Variants in LRRIQ3 observed in about 807,000 individuals in gnomAD.
The protein encoded by LRRIQ3 is leucine rich repeats and IQ motif containing 3, also known as leucine-rich repeat and IQ domain-containing protein 3.
Under a neutral mutation model 59.3 loss-of-function variants are expected in LRRIQ3, and 75 were observed. The observed-to-expected ratio is 1.26, with a 90% CI of 1.05 to 1.53. LRRIQ3 has a LOEUF of 1.53. Ranked by LOEUF, LRRIQ3 falls within the 40% of genes most tolerant of loss-of-function variation. The pLI, the probability that LRRIQ3 is intolerant of heterozygous loss-of-function variation, is 0.00. For missense variants in LRRIQ3, 831 were observed against 710.0 expected (o/e 1.17, Z -1.94); for synonymous variants, 250 against 231.3 (o/e 1.08, Z -0.73).
chr1:74,123,697 T>G (rs1412690734), intron 4 of LRRIQ3, among the ~76,000 whole-genome samples: 1 of 152,066 alleles, frequency 6.6e-6, no homozygotes, highest in East Asian at 1.9e-4. Flanking sequence ...CTTTATTCAT[T>G]CATTCATTTG....
At chr1:74,189,928 A>G (rs1275207760) in intron 1 of LRRIQ3, among the ~76,000 whole-genome samples, 1 of 152,154 alleles carries the variant, frequency 6.6e-6, no homozygotes, top group Non-Finnish European at 1.5e-5. Context: ...TACAAAATTA[A>G]TTGAATGCCT....
chr1:74,125,729 T>C (rs1646926178), intron 4 of LRRIQ3, among the ~76,000 whole-genome samples: 1 of 152,000 alleles, frequency 6.6e-6, no homozygotes, highest in Non-Finnish European at 1.5e-5. Context: ...ATGCTCTTTT[T>C]AATGTGTTGT....
intron 4 of LRRIQ3, among the ~76,000 whole-genome samples, chr1:74,119,452 TATAGAC>T (rs1261756069): frequency 6.6e-6 from 1 of 152,120 alleles, no homozygotes; most frequent in Non-Finnish European, 1.5e-5. Flanking sequence ...TTCTGATTTG[TATAGAC>T]ATATTCTTTT....
intron 4 of LRRIQ3, among the ~76,000 whole-genome samples, chr1:74,116,686 G>A (rs1646781035): frequency 6.6e-6 from 1 of 152,100 alleles, no homozygotes; most frequent in Non-Finnish European, 1.5e-5. Flanking sequence ...GTTGATCACA[G>A]TAATTTTTAC....
intron 5 of LRRIQ3, among the ~76,000 whole-genome samples, chr1:74,076,206 G>A (rs1646208225): frequency 6.6e-6 from 1 of 151,968 alleles, no homozygotes; most frequent in South Asian, 2.1e-4. Flanking sequence ...TACTTTCTTT[G>A]GTAAGAAACA....
At position 74,089,710 on chromosome 1, in the gene LRRIQ3, G is replaced by A. The variant is rs2100513987; in HGVS notation, c.868-14920C>T. ...AGAGAGAATTTCTAATGGGTATGGGGTTTCTTCTGGGGAATAATGAAAATT... is the reference window on the plus strand; with the variant it reads ...AGAGAGAATTTCTAATGGGTATGGGATTTCTTCTGGGGAATAATGAAAATT... On this transcript the variant is annotated intron_variant, in intron 5 of 7. Transcript: ENST00000354431. 3.3e-5 allele frequency among the ~76,000 whole-genome samples: 5 copies of A among 152,088 alleles called. No individual in the cohort carries two copies. The Middle Eastern group carries it at 0.017, about 517-fold the overall frequency.
In LRRIQ3 at chr1:74,029,262, G is replaced by A. The variant is rs371952628; in HGVS notation, c.1719-2293C>T. 3.3e-5 allele frequency among the ~76,000 whole-genome samples: 5 copies of A among 152,114 alleles called. No homozygotes were observed. The South Asian group carries it at 1.0e-3, about 32-fold the overall frequency. The stretch of plus-strand genomic sequence containing the variant: ...ACTTCCAACACTATGTTGAATAGGA[G>A]TGGCGAGAGAGGGCATCCCTGTCTT... On this transcript the variant is annotated intron_variant, in intron 7 of 7. Transcript: ENST00000354431.
chr1:74,123,995 T>C (rs897232517), intron 4 of LRRIQ3, among the ~76,000 whole-genome samples: 3 of 151,898 alleles, frequency 2.0e-5, no homozygotes, highest in African/African-American at 7.2e-5. Flanking sequence ...AAAACAGACA[T>C]CTACAGATGT....
intron 4 of LRRIQ3, among the ~76,000 whole-genome samples, chr1:74,128,400 A>G (rs1646966452): frequency 6.6e-6 from 1 of 152,034 alleles, no homozygotes; most frequent in African/African-American, 2.4e-5. Flanking sequence ...ACTCTTCAGT[A>G]TCTCAATTGC....
intron 4 of LRRIQ3, among the ~76,000 whole-genome samples, chr1:74,120,563 T>C (rs1244094228): frequency 6.6e-6 from 1 of 152,060 alleles, no homozygotes; most frequent in Non-Finnish European, 1.5e-5. Context: ...AGCCAAATTT[T>C]TTAAATCTAC....
intron 3 of LRRIQ3, among the ~76,000 whole-genome samples, chr1:74,172,893 G>A (rs1419465934): frequency 6.6e-6 from 1 of 151,902 alleles, no homozygotes; most frequent in Non-Finnish European, 1.5e-5. Flanking sequence ...GGTATCCTTT[G>A]GTTATGATTA....
chr1:74,080,806 C>G (rs1374621314), intron 5 of LRRIQ3, among the ~76,000 whole-genome samples: 2 of 151,600 alleles, frequency 1.3e-5, no homozygotes, highest in African/African-American at 4.8e-5. Flanking sequence ...ACATAGTATG[C>G]AAAGCCTTCA....
At chr1:74,036,455 T>C (rs1324680326) in intron 7 of LRRIQ3, among the ~76,000 whole-genome samples, 20 of 152,206 alleles carry the variant, frequency 1.3e-4, no homozygotes, top group Non-Finnish European at 5.9e-5. Flanking sequence ...TAAAAATAGT[T>C]GTCCCTGGGT....
chr1:74,092,263 G>C (rs1646402680), intron 5 of LRRIQ3, among the ~76,000 whole-genome samples: 1 of 152,068 alleles, frequency 6.6e-6, no homozygotes, highest in African/African-American at 2.4e-5. Context: ...CATAATATCA[G>C]TCCTAGACTG....
chr1:74,158,378 G>A (rs779258114), intron 3 of LRRIQ3, among the ~76,000 whole-genome samples: 4 of 151,996 alleles, frequency 2.6e-5, no homozygotes, highest in Admixed American at 6.6e-5. Context: ...AGTCCTTCTT[G>A]ATCTAGTCCC....
rs559363843 is a variant in LRRIQ3 at position 74,101,582 on chromosome 1, T to A, written c.867+7812A>T. On this transcript the variant is annotated intron_variant, in intron 5 of 7. Transcript: ENST00000354431. Reference sequence around the variant, plus strand: ...GGGTATATACCCAAAGGATTATAAATCATGCTGCTATAAAGACACATGCAC... The same window carrying A: ...GGGTATATACCCAAAGGATTATAAAACATGCTGCTATAAAGACACATGCAC... Among the ~76,000 whole-genome samples, 591 of 152,290 alleles carry A rather than the reference T, an allele frequency of 3.9e-3. 4 individuals carry two copies. Among genetic ancestry groups the A allele is most frequent in the African/African-American group, 0.014 (564 of 41,560 alleles).
chr1:74,145,856 G>A (rs1005483100), intron 4 of LRRIQ3, among the ~76,000 whole-genome samples: 2 of 152,066 alleles, frequency 1.3e-5, no homozygotes, highest in African/African-American at 4.8e-5. Context: ...AGGATCAAAT[G>A]AGTTAATAAA....
At chr1:74,112,172 C>T (rs1646705280) in intron 4 of LRRIQ3, among the ~76,000 whole-genome samples, 1 of 152,084 alleles carries the variant, frequency 6.6e-6, no homozygotes, top group South Asian at 2.1e-4. Flanking sequence ...GCCACTGCCT[C>T]CTCCTTCTGA....
intron 3 of LRRIQ3, among the ~76,000 whole-genome samples, chr1:74,179,731 C>T (rs536871316): frequency 1.7e-4 from 26 of 151,884 alleles, no homozygotes; most frequent in African/African-American, 6.0e-4. Context: ...TATAGGTGGC[C>T]TCAAAAATTG....
Sources: allele counts gnomAD v4.1 joint callset (sites outside exome capture counted in the v4.1 genomes callset), GRCh38; gene constraint gnomAD v4.1.1; transcripts MANE v1.5; gene names NCBI Gene and HGNC (gene_info 2026-07-23, HGNC 2026-07-21).